GRIK1: variants seen among roughly 807,000 people sequenced by gnomAD.
GRIK1 encodes the protein glutamate ionotropic receptor kainate type subunit 1.
A neutral mutation model predicts 105.7 loss-of-function variants in GRIK1; 69 were observed. The observed-to-expected ratio is 0.65, with a 90% confidence interval of 0.54 to 0.80. The LOEUF is 0.80. GRIK1 is among the 30% of genes least tolerant of loss of function. The pLI, the probability that GRIK1 is intolerant of heterozygous loss-of-function variation, is 0.00. For synonymous variants in GRIK1, 438 were observed against 431.3 expected (o/e 1.02, Z -0.19); for missense variants, 1,109 against 1,167.3 (o/e 0.95, Z 0.73).
chr21:29,644,710 T>G lies in GRIK1; in HGVS notation c.955-1741A>C, dbSNP rs552571165. 5.3e-5 allele frequency among the ~76,000 whole-genome samples: 8 copies of G among 152,358 alleles called. No homozygotes were observed. In the East Asian group the frequency reaches 1.5e-3, roughly 29 times the overall value. On this transcript the variant is annotated intron_variant, in intron 6 of 17. Coordinates refer to ENST00000327783, the MANE Select transcript of GRIK1 (RefSeq NM_001330994.2). ...CATTGCCAGGGTTTGAGCCTGCACCTGCCTGATTCTAGCACCCATGATCTT... is the reference window on the plus strand; with the variant it reads ...CATTGCCAGGGTTTGAGCCTGCACCGGCCTGATTCTAGCACCCATGATCTT...
intron 1 of GRIK1, among the ~76,000 whole-genome samples, chr21:29,842,871 CT>C (rs1399186525): frequency 1.3e-5 from 2 of 152,184 alleles, no homozygotes; most frequent in African/African-American, 4.8e-5. Flanking sequence ...TTTAATACCC[CT>C]ATAGGCTTCC....
intron 1 of GRIK1, among the ~76,000 whole-genome samples, chr21:29,808,994 T>A (rs1195461958): frequency 6.6e-6 from 1 of 152,214 alleles, no homozygotes; most frequent in African/African-American, 2.4e-5. Flanking sequence ...TTTCTCTCCA[T>A]CCTTGACAAT....
chr21:29,764,124 G>A (rs1569064699), intron 1 of GRIK1: 1 of 152,230 alleles, frequency 6.6e-6, no homozygotes, highest in Non-Finnish European at 1.5e-5. Context: ...AGAGACTGAA[G>A]ATGATGCAGA....
intron 1 of GRIK1, among the ~76,000 whole-genome samples, chr21:29,825,299 T>C (rs559360277): frequency 6.8e-4 from 104 of 152,028 alleles, no homozygotes; most frequent in Non-Finnish European, 1.4e-3. Context: ...TTTAAAACAA[T>C]AGTGCATTAT....
At chr21:29,631,004 C>T (rs1034811206) in intron 7 of GRIK1, among the ~76,000 whole-genome samples, 2 of 151,898 alleles carry the variant, frequency 1.3e-5, no homozygotes, top group African/African-American at 4.8e-5. Flanking sequence ...GAGGGGGTTT[C>T]ACCATGTTGC....
intron 4 of GRIK1, among the ~76,000 whole-genome samples, chr21:29,666,828 C>T: frequency 6.6e-6 from 1 of 152,212 alleles, no homozygotes; most frequent in East Asian, 1.9e-4. Context: ...AATCAGTTGA[C>T]ATCTTGTTGT....
intron 1 of GRIK1, among the ~76,000 whole-genome samples, chr21:29,742,412 T>C (rs2064952827): frequency 6.6e-6 from 1 of 152,134 alleles, no homozygotes. Context: ...AAGTACAACA[T>C]CCATTTCCTG....
chr21:29,679,624 C>A (rs1331831553), intron 3 of GRIK1, among the ~76,000 whole-genome samples: 1 of 152,182 alleles, frequency 6.6e-6, no homozygotes, highest in African/African-American at 2.4e-5. Context: ...TTTCCTCAAA[C>A]TAGTTCCACC....
intron 1 of GRIK1, among the ~76,000 whole-genome samples, chr21:29,734,150 T>C (rs1289027813): frequency 6.6e-6 from 1 of 152,040 alleles, no homozygotes; most frequent in African/African-American, 2.4e-5. Flanking sequence ...TTATTTAATC[T>C]GAAGAGGCTT....
At chr21:29,795,279 G>A (rs766611834) in intron 1 of GRIK1, among the ~76,000 whole-genome samples, 4 of 151,860 alleles carry the variant, frequency 2.6e-5, no homozygotes, top group African/African-American at 9.7e-5. Flanking sequence ...CAGGTGTTCC[G>A]CCTGCCTTGG....
chr21:29,570,196 A>G (rs1235529950), intron 14 of GRIK1, among the ~76,000 whole-genome samples: 2 of 152,062 alleles, frequency 1.3e-5, no homozygotes, highest in Non-Finnish European at 2.9e-5. Context: ...AATGAGAGGG[A>G]TTTTATTAAA....
At chr21:29,709,915 A>G (rs1427663813) in intron 1 of GRIK1, among the ~76,000 whole-genome samples, 1 of 151,646 alleles carries the variant, frequency 6.6e-6, no homozygotes, top group African/African-American at 2.4e-5. Context: ...TGCTTATTGC[A>G]TTGGTTAGAA....
At chr21:29,771,514 A>T (rs2065811511) in intron 1 of GRIK1, among the ~76,000 whole-genome samples, 1 of 152,212 alleles carries the variant, frequency 6.6e-6, no homozygotes, top group Admixed American at 6.5e-5. Context: ...GTCTTGGTAG[A>T]AGCAGAGGGC....
intron 1 of GRIK1, among the ~76,000 whole-genome samples, chr21:29,749,653 G>C (rs1247269895): frequency 3.9e-5 from 6 of 152,194 alleles, no homozygotes; most frequent in Non-Finnish European, 7.3e-5. Context: ...TTCATGTGCA[G>C]CATTTGACCG....
At chr21:29,732,016 A>T (rs556759053) in intron 1 of GRIK1, among the ~76,000 whole-genome samples, 1 of 152,316 alleles carries the variant, frequency 6.6e-6, no homozygotes, top group South Asian at 2.1e-4. Flanking sequence ...CATATTTGTT[A>T]TAATAAGTTA....
At chr21:29,903,537 A>T (rs185898304) in intron 1 of GRIK1, among the ~76,000 whole-genome samples, 9 of 152,226 alleles carry the variant, frequency 5.9e-5, no homozygotes, top group Admixed American at 5.9e-4. Context: ...AAAAATGCTC[A>T]TCACCACTGG....
At chr21:29,794,155 T>A (rs1158348646) in intron 1 of GRIK1, among the ~76,000 whole-genome samples, 3 of 152,118 alleles carry the variant, frequency 2.0e-5, no homozygotes, top group Non-Finnish European at 4.4e-5. Flanking sequence ...TTTGATAAGA[T>A]AATTATAACT....
At chr21:29,601,115 A>G in intron 7 of GRIK1, 1 of 355,264 alleles carries the variant, frequency 2.8e-6, no homozygotes, top group South Asian at 2.3e-5. Context: ...GAAATGGTGG[A>G]CTGAGCAAGG....
chr21:29,732,277 A>C (rs987326552), intron 1 of GRIK1, among the ~76,000 whole-genome samples: 10 of 152,094 alleles, frequency 6.6e-5, no homozygotes, highest in Non-Finnish European at 1.5e-4. Context: ...AAGGTACAAA[A>C]CCCATCAGCA....
Sources: allele counts gnomAD v4.1 joint callset (sites outside exome capture counted in the v4.1 genomes callset), GRCh38; gene constraint gnomAD v4.1.1; transcripts MANE v1.5; gene names NCBI Gene and HGNC (gene_info 2026-07-23, HGNC 2026-07-21).